FAM219A: variants seen among roughly 807,000 people sequenced by gnomAD.
FAM219A encodes the protein family with sequence similarity 219 member A.
FAM219A carries 7 observed loss-of-function variants against 23.4 expected under a neutral mutation model. That is an observed-to-expected ratio of 0.30 (90% CI 0.17 to 0.56). The LOEUF (loss-of-function observed/expected upper bound fraction) is 0.56, where lower values mean the gene tolerates loss of function less well. Ranked by LOEUF, FAM219A falls within the 20% of genes least tolerant of loss-of-function variation. The probability of loss-of-function intolerance (pLI) is 0.92; values close to 1 mark genes in which losing one functional copy is unlikely to be tolerated. For missense variants in FAM219A, 166 were observed against 246.9 expected, an observed-to-expected ratio of 0.67 and a Z score of 2.20; for synonymous variants, 93 against 99.0, an observed-to-expected ratio of 0.94 and a Z score of 0.36.
chr9:34,440,865 A>G lies in FAM219A; in HGVS notation c.60+17339T>C, dbSNP rs1031123000. On this transcript the variant is annotated intron_variant, in intron 1 of 5. Transcript: ENST00000651358. ...GACTCGGTCTCAAAAAAAAAAAAAA[A>G]AAATTTTTAAAGAAATGTTATCTTA... 8.5e-5 allele frequency among the ~76,000 whole-genome samples: 13 copies of G among 152,146 alleles called. 1 individual carries two copies. The highest frequency in any genetic ancestry group is 8.5e-4 in the Admixed American group (13 of 15,282).
At chr9:34,439,109 G>A (rs891482132) in intron 1 of FAM219A, among the ~76,000 whole-genome samples, 2 of 152,086 alleles carry the variant, frequency 1.3e-5, no homozygotes, top group Admixed American at 6.5e-5. Flanking sequence ...GCGAGACCAC[G>A]AACCCACCAG....
Position 34,458,296 on chromosome 9 carries a change from C to A in FAM219A, c.-33G>T. 2 of 1,360,786 alleles carry A rather than the reference C, an allele frequency of 1.5e-6. No individual in the cohort carries two copies. The highest frequency in any genetic ancestry group is 1.9e-6 in the Non-Finnish European group (2 of 1,056,724). 84.3% of individuals were successfully genotyped at this position (1,360,786 alleles called of 1,614,324 possible). A position where few individuals can be genotyped will look rare whatever the true frequency, so the allele number is the denominator to read the frequency against. On this transcript the variant is annotated 5_prime_UTR_variant, in exon 1 of 6. Transcript: ENST00000651358. The surrounding 1 kb of genome is among the most constrained non-coding windows in gnomAD (Gnocchi z 6.6). ...GCGGGCGAGCGGGCCAGGGGCCGGG[C>A]GCGGCCGCGGACGCCGACAGGACCG...
chr9:34,417,175 TACCTGG>T lies in FAM219A; in HGVS notation c.61-11217_61-11212del, dbSNP rs1822069113. ...CGGCTCACTGCCTCAGCCTCCTGAG[TACCTGG>T]GATTACAGGCATGCACAACCATATC... On this transcript the variant is annotated intron_variant, in intron 1 of 5. Transcript: ENST00000651358. This position sits in a 1 kb window ranked among gnomAD's most constrained non-coding sequence, Gnocchi z 4.1. 6.6e-6 allele frequency among the ~76,000 whole-genome samples: 1 copy of T among 151,222 alleles called. No individual in the cohort carries two copies. The highest frequency in any genetic ancestry group is 1.5e-5 in the Non-Finnish European group (1 of 67,786).
intron 2 of FAM219A, among the ~76,000 whole-genome samples, chr9:34,403,983 G>A (rs1821542606): frequency 6.6e-6 from 1 of 152,128 alleles, no homozygotes; most frequent in African/African-American, 2.4e-5. Flanking sequence ...GCCTCTAGGG[G>A]GTGCAATTTG....
intron 1 of FAM219A, among the ~76,000 whole-genome samples, chr9:34,411,676 CAAAAAA>C (rs55988337): frequency 8.7e-6 from 1 of 114,620 alleles, no homozygotes. Context: ...GACTCCGTCT[CAAAAAA>C]AAAAAAAAAA....
In FAM219A at chr9:34,402,390, T is replaced by C; in HGVS notation, c.341A>G (p.Asp114Gly). Residue 114 changes from aspartate (D) to glycine (G), a missense_variant, in exon 4 of 6, where the codon GAC becomes GGC. Asp to Gly is a moderately conservative substitution (Grantham distance 94). Around this residue, in one of 3 missense-constraint regions of FAM219A, gnomAD observed 72 missense variants for 131.0 expected, o/e 0.55. Transcript: ENST00000651358. ...DEKPLVALDT[D>G]SDDDFDMSRY... ...ACCCCCAAGCCCCCATACACACCTG[T>C]CCGTGTCAAGGGCTACCAGTGGCTT... 1 of 1,614,192 alleles carries C rather than the reference T, an allele frequency of 6.2e-7. No individual in the cohort carries two copies. The highest frequency in any genetic ancestry group is 8.5e-7 in the Non-Finnish European group (1 of 1,180,030).
chr9:34,443,609 G>C (rs1301479868), intron 1 of FAM219A, among the ~76,000 whole-genome samples: 6 of 152,132 alleles, frequency 3.9e-5, no homozygotes, highest in African/African-American at 1.4e-4. Context: ...TCACATACAT[G>C]ATCTTATTTA....
chr9:34,433,796 T>C (rs1011723260), intron 1 of FAM219A, among the ~76,000 whole-genome samples: 2 of 152,162 alleles, frequency 1.3e-5, no homozygotes, highest in African/African-American at 4.8e-5. Context: ...CCTTAACTTA[T>C]AAAGGTAATG....
At chr9:34,436,925 G>A (rs1822944104) in intron 1 of FAM219A, among the ~76,000 whole-genome samples, 1 of 152,126 alleles carries the variant, frequency 6.6e-6, no homozygotes, top group Admixed American at 6.5e-5. Context: ...AACAACAAAG[G>A]GTAGCTGGTT....
At chr9:34,430,191 G>GC (rs1204749834) in intron 1 of FAM219A, among the ~76,000 whole-genome samples, 1 of 152,080 alleles carries the variant, frequency 6.6e-6, no homozygotes, top group Non-Finnish European at 1.5e-5. Context: ...AAGAGGTCAT[G>GC]CCCCTTTCAC....
chr9:34,414,229 A>G (rs1821921491), intron 1 of FAM219A, among the ~76,000 whole-genome samples: 1 of 152,188 alleles, frequency 6.6e-6, no homozygotes, highest in Non-Finnish European at 1.5e-5. Context: ...ACACCTCAAC[A>G]TATGAGTTAT....
intron 1 of FAM219A, among the ~76,000 whole-genome samples, chr9:34,413,381 A>G (rs1821892532): frequency 6.6e-6 from 1 of 152,176 alleles, no homozygotes; most frequent in African/African-American, 2.4e-5. Context: ...TACAATCCTC[A>G]TCTGTCACCC....
chr9:34,431,808 C>T (rs567688000), intron 1 of FAM219A, among the ~76,000 whole-genome samples: 1 of 152,332 alleles, frequency 6.6e-6, no homozygotes, highest in Admixed American at 6.5e-5. Context: ...AAAAAATAAA[C>T]TTACTCCTAC....
chr9:34,423,762 G>T (rs1042082128), intron 1 of FAM219A, among the ~76,000 whole-genome samples: 1 of 152,108 alleles, frequency 6.6e-6, no homozygotes, highest in Non-Finnish European at 1.5e-5. Flanking sequence ...GTGTCAGTGG[G>T]GTTGGAAAAA....
At chr9:34,448,223 A>G (rs2132014708) in intron 1 of FAM219A, among the ~76,000 whole-genome samples, 1 of 152,278 alleles carries the variant, frequency 6.6e-6, no homozygotes, top group Non-Finnish European at 1.5e-5. Context: ...CCCTCAGTGA[A>G]ACAGATTGCT....
At chr9:34,431,489 C>T (rs1822701384) in intron 1 of FAM219A, among the ~76,000 whole-genome samples, 1 of 152,194 alleles carries the variant, frequency 6.6e-6, no homozygotes, top group South Asian at 2.1e-4. Flanking sequence ...GCAGAATGCA[C>T]CTGCTTTGTT....
chr9:34,415,065 CT>C (rs1821949210), intron 1 of FAM219A, among the ~76,000 whole-genome samples: 1 of 152,152 alleles, frequency 6.6e-6, no homozygotes, highest in Admixed American at 6.5e-5. Context: ...GACCTCCTGC[CT>C]TAGCCCCCTG....
chr9:34,446,694 C>G (rs1267447910), intron 1 of FAM219A, among the ~76,000 whole-genome samples: 1 of 152,208 alleles, frequency 6.6e-6, no homozygotes, highest in Non-Finnish European at 1.5e-5. Context: ...AATCCCAGTC[C>G]TTTAGGTATT....
In FAM219A at chr9:34,458,492, C is replaced by T. The variant is rs1385725464; in HGVS notation, c.-229G>A. On this transcript the variant is annotated 5_prime_UTR_variant, in exon 1 of 6. Coordinates refer to ENST00000651358, the MANE Select transcript of FAM219A (RefSeq NM_001184940.2). This position sits in a 1 kb window ranked among gnomAD's most constrained non-coding sequence, Gnocchi z 6.6. The stretch of plus-strand genomic sequence containing the variant: ...TTGCCTAGCACTACCGCGGCTGTGG[C>T]CGGGCCGAGCCGCAGGTCTTGCCTC... 1 of 378,748 alleles carries T rather than the reference C, an allele frequency of 2.6e-6. No homozygotes were observed. Among genetic ancestry groups the T allele is most frequent in the Non-Finnish European group, 4.7e-6 (1 of 210,752 alleles). The allele number at this position is 378,748 out of a possible 1,614,324, so 23.5% of individuals were successfully genotyped here.
Sources: allele counts gnomAD v4.1 joint callset (sites outside exome capture counted in the v4.1 genomes callset), GRCh38; gene constraint gnomAD v4.1.1; regional missense constraint gnomAD v4.1.1; non-coding constraint Gnocchi (gnomAD v3.1); transcripts MANE v1.5; gene names NCBI Gene and HGNC (gene_info 2026-07-23, HGNC 2026-07-21).